Variants in SNTG1 observed in about 807,000 individuals in gnomAD.
SNTG1 encodes the protein gamma-1-syntrophin.
A neutral mutation model predicts 74.7 loss-of-function variants in SNTG1; 39 were observed. The observed-to-expected ratio is 0.52, with a 90% CI of 0.40 to 0.68. The LOEUF is 0.68. Among genes scored for constraint, SNTG1 ranks in the 30% least tolerant of loss-of-function variants. SNTG1 has a pLI of 0.00. For missense variants in SNTG1, 685 were observed against 609.5 expected, an observed-to-expected ratio of 1.12 and a Z score of -1.30; for synonymous variants, 254 against 217.1, an observed-to-expected ratio of 1.17 and a Z score of -1.49.
intron 1 of SNTG1, among the ~76,000 whole-genome samples, chr8:50,023,515 G>C (rs1585937250): frequency 6.6e-6 from 1 of 152,136 alleles, no homozygotes; most frequent in Admixed American, 6.5e-5. Context: ...GAGGTTCAGA[G>C]GGTAAAAGCT....
intron 1 of SNTG1, among the ~76,000 whole-genome samples, chr8:49,978,218 A>C (rs17757119): frequency 0.11 from 16,527 of 151,976 alleles, 1,090 homozygotes; most frequent in South Asian, 0.22. Flanking sequence ...ACTAGAATGC[A>C]CTGAAATAGA....
intron 13 of SNTG1, among the ~76,000 whole-genome samples, chr8:50,633,310 A>G (rs2095015971): frequency 1.3e-5 from 2 of 152,108 alleles, no homozygotes; most frequent in South Asian, 4.1e-4. Context: ...CAGGCCTGGT[A>G]CTCTGAAATT....
chr8:50,702,996 T>A (rs562103604), intron 15 of SNTG1, among the ~76,000 whole-genome samples: 1 of 152,198 alleles, frequency 6.6e-6, no homozygotes. Context: ...AGAATGGTAG[T>A]TGCTCTGGGT....
At chr8:50,207,027 C>A (rs1047412087) in intron 2 of SNTG1, among the ~76,000 whole-genome samples, 3 of 152,144 alleles carry the variant, frequency 2.0e-5, no homozygotes, top group South Asian at 2.1e-4. Context: ...CTAAAATTGT[C>A]TTTTTTTGTT....
chr8:50,731,545 C>G (rs772814110), intron 17 of SNTG1, among the ~76,000 whole-genome samples: 3 of 152,002 alleles, frequency 2.0e-5, no homozygotes, highest in Non-Finnish European at 4.4e-5. Flanking sequence ...GGTTTCTAAC[C>G]AAATCAAAGT....
At chr8:50,188,477 C>A (rs1191284097) in intron 2 of SNTG1, among the ~76,000 whole-genome samples, 1 of 152,088 alleles carries the variant, frequency 6.6e-6, no homozygotes, top group Non-Finnish European at 1.5e-5. Context: ...TCATTCAGAT[C>A]CATTTGTAAA....
intron 2 of SNTG1, among the ~76,000 whole-genome samples, chr8:50,285,130 C>A (rs1480966695): frequency 6.6e-6 from 1 of 152,030 alleles, no homozygotes; most frequent in East Asian, 1.9e-4. Context: ...TTGGTCTATG[C>A]AATCTTACTT....
At chr8:50,539,405 C>T (rs977645822) in intron 11 of SNTG1, among the ~76,000 whole-genome samples, 9 of 152,090 alleles carry the variant, frequency 5.9e-5, no homozygotes, top group Non-Finnish European at 8.8e-5. Flanking sequence ...ATGCTGACAC[C>T]TGGAAAGGTA....
At chr8:50,135,710 C>T (rs1352741763) in intron 1 of SNTG1, among the ~76,000 whole-genome samples, 2 of 152,070 alleles carry the variant, frequency 1.3e-5, no homozygotes, top group African/African-American at 2.4e-5. Flanking sequence ...TGCTGCATCT[C>T]TTCTGTCCTT....
At chr8:50,707,792 T>C (rs1385171522) in intron 16 of SNTG1, 2 of 312,308 alleles carry the variant, frequency 6.4e-6, no homozygotes, top group Non-Finnish European at 1.2e-5. Flanking sequence ...TAAAATTAAA[T>C]GCAAATAAAA....
intron 8 of SNTG1, among the ~76,000 whole-genome samples, chr8:50,474,772 G>T (rs1300131909): frequency 6.6e-6 from 1 of 152,052 alleles, no homozygotes. Flanking sequence ...AAAGACACAT[G>T]CACACGTATG....
At chr8:50,442,680 T>TAAAA (rs5891365) in intron 5 of SNTG1, among the ~76,000 whole-genome samples, 1 of 81,194 alleles carries the variant, frequency 1.2e-5, no homozygotes, top group African/African-American at 5.1e-5. Context: ...TGTCTATCAG[T>TAAAA]AAAAAAAAAA....
chr8:49,963,622 T>C (rs1810888757), intron 1 of SNTG1, among the ~76,000 whole-genome samples: 1 of 152,186 alleles, frequency 6.6e-6, no homozygotes, highest in African/African-American at 2.4e-5. Context: ...TCCTCTCCAT[T>C]CTGTCAGCTG....
At chr8:50,168,515 CAA>C (rs1377484119) in intron 1 of SNTG1, among the ~76,000 whole-genome samples, 2 of 152,050 alleles carry the variant, frequency 1.3e-5, no homozygotes, top group Admixed American at 1.3e-4. Flanking sequence ...TGATAGTTGA[CAA>C]AGACAAAACC....
intron 13 of SNTG1, among the ~76,000 whole-genome samples, chr8:50,641,201 TTC>T (rs1368697472): frequency 6.6e-6 from 1 of 152,210 alleles, no homozygotes; most frequent in African/African-American, 2.4e-5. Context: ...CCTGCAATTA[TTC>T]TTTCTTCCCC....
chr8:50,754,442 T>C (rs1426984964), intron 18 of SNTG1, among the ~76,000 whole-genome samples: 1 of 151,960 alleles, frequency 6.6e-6, no homozygotes, highest in Non-Finnish European at 1.5e-5. Context: ...GATGAACAAC[T>C]TGTTATATGT....
chr8:50,616,744 T>A (rs531004286), intron 13 of SNTG1, among the ~76,000 whole-genome samples: 3 of 152,312 alleles, frequency 2.0e-5, no homozygotes, highest in South Asian at 4.1e-4. Context: ...TGCCTTTCTG[T>A]GGAACATATT....
In SNTG1 at chr8:50,796,098, T is replaced by C. The variant is rs750197572; in HGVS notation, c.*3269T>C. The C allele has an allele frequency of 1.1e-4, 17 of 152,106 alleles. No individual in the cohort carries two copies. The highest frequency in any genetic ancestry group is 2.4e-4 in the Non-Finnish European group (16 of 67,970). 9.4% of individuals were successfully genotyped at this position (152,106 alleles called of 1,614,324 possible). On this transcript the variant is annotated 3_prime_UTR_variant, in exon 19 of 19. Coordinates refer to ENST00000642720, the MANE Select transcript of SNTG1 (RefSeq NM_018967.5). ...TTTCCCTCATTTACAGTGCTGAAGCTTGATCATGAACTTTGTCTATGTTGA... is the reference window on the plus strand; with the variant it reads ...TTTCCCTCATTTACAGTGCTGAAGCCTGATCATGAACTTTGTCTATGTTGA...
intron 2 of SNTG1, among the ~76,000 whole-genome samples, chr8:50,303,659 G>T (rs78024533): frequency 3.3e-5 from 5 of 151,866 alleles, no homozygotes; most frequent in African/African-American, 1.2e-4. Context: ...TTCTGCAAAA[G>T]TCTTTTTGGT....
Sources: allele counts gnomAD v4.1 joint callset (sites outside exome capture counted in the v4.1 genomes callset), GRCh38; gene constraint gnomAD v4.1.1; transcripts MANE v1.5; gene names NCBI Gene and HGNC (gene_info 2026-07-23, HGNC 2026-07-21).